SLC7A5: variants seen among roughly 807,000 people sequenced by gnomAD.
The protein encoded by SLC7A5 is solute carrier family 7 member 5.
A neutral mutation model predicts 50.2 loss-of-function variants in SLC7A5; 23 were observed. The ratio of observed to expected loss-of-function variants is 0.46; its 90% confidence interval spans 0.33 to 0.65. The LOEUF (loss-of-function observed/expected upper bound fraction) is 0.65, where lower values mean the gene tolerates loss of function less well. Among genes scored for constraint, SLC7A5 ranks in the 30% least tolerant of loss-of-function variants. SLC7A5 has a pLI of 0.02. For synonymous variants in SLC7A5, 393 were observed against 330.6 expected (o/e 1.19, Z -2.05); for missense variants, 578 against 684.4 (o/e 0.84, Z 1.73).
intron 5 of SLC7A5, 69 bp from the exon 6 acceptor site, chr16:87,838,886 G>A (rs1357048536): frequency 1.7e-6 from 2 of 1,154,176 alleles, no homozygotes. Context: ...CTCACTGGGA[G>A]CCCTCTGCAC....
rs1846892979 is a variant in SLC7A5, at chr16:87,839,838, G to A, written c.816-13C>T. The A allele has an allele frequency of 2.5e-6, 4 of 1,613,496 alleles. No homozygotes were observed. Among genetic ancestry groups the A allele is most frequent in the Non-Finnish European group, 3.4e-6 (4 of 1,179,906 alleles). ...CAGGGGCAGGTTTCTGGAAAGAACA[G>A]GGACGACATGTCACCCAACGCAGCC... On this transcript the variant is annotated splice_polypyrimidine_tract_variant and intron_variant, in intron 4 of 9. Transcript: ENST00000261622.
Position 87,831,468 on chromosome 16 carries a change from C to A in SLC7A5, c.*1502G>T, listed in dbSNP as rs528874509. The A allele has an allele frequency of 6.6e-6, 1 of 152,348 alleles. No individual in the cohort carries two copies. The highest frequency in any genetic ancestry group is 2.1e-4 in the South Asian group (1 of 4,824). 9.4% of individuals were successfully genotyped at this position (152,348 alleles called of 1,614,324 possible). ...TGCTGAGAGCTTGCGGCTTGAGCAG[C>A]CGCTGGTCAGTGAAGCCGTGTCCGG... On this transcript the variant is annotated 3_prime_UTR_variant, in exon 10 of 10. Transcript: ENST00000261622.
chr16:87,844,359 G>A (rs774762174), intron 2 of SLC7A5, among the ~76,000 whole-genome samples: 4 of 152,262 alleles, frequency 2.6e-5, no homozygotes, highest in East Asian at 1.9e-4. Flanking sequence ...GGGAACGAGC[G>A]CTCCAAAGGC....
intron 1 of SLC7A5, among the ~76,000 whole-genome samples, chr16:87,855,676 C>T (rs896426394): frequency 3.9e-5 from 6 of 152,094 alleles, no homozygotes; most frequent in Admixed American, 3.3e-4. Context: ...CTGATAAAAT[C>T]CCGCTACAAG....
chr16:87,845,286 C>T (rs2055137365), intron 2 of SLC7A5, among the ~76,000 whole-genome samples: 1 of 152,236 alleles, frequency 6.6e-6, no homozygotes, highest in Non-Finnish European at 1.5e-5. Context: ...GCCAATGGCA[C>T]CTCATCTAAG....
chr16:87,859,906 G>A (rs544660171), intron 1 of SLC7A5, among the ~76,000 whole-genome samples: 2 of 148,722 alleles, frequency 1.3e-5, no homozygotes, highest in Admixed American at 1.3e-4. Context: ...ACTCCAGCCT[G>A]GGTGACAAAA....
At chr16:87,836,405 G>T in intron 8 of SLC7A5, 93 bp downstream of exon 8, 1 of 1,450,190 alleles carries the variant, frequency 6.9e-7, no homozygotes. Flanking sequence ...CAGAGGCTGA[G>T]CTGGGATGCT....
At chr16:87,865,519 G>A (rs1387816641) in intron 1 of SLC7A5, among the ~76,000 whole-genome samples, 4 of 151,982 alleles carry the variant, frequency 2.6e-5, no homozygotes, top group Admixed American at 6.6e-5. Context: ...GACAAGCCTG[G>A]CCAACATGGT....
Position 87,836,572 on chromosome 16 carries a change from G to A in SLC7A5, c.1216C>T (p.Leu406Phe), listed in dbSNP as rs757100977. The A allele has an allele frequency of 1.9e-6, 3 of 1,613,782 alleles. No individual in the cohort carries two copies. The South Asian group carries it at 3.3e-5, about 18-fold the overall frequency. Residue 406 changes from leucine to phenylalanine, a missense_variant, in exon 8 of 10, where the codon CTC (leucine) becomes TTC (phenylalanine). This residue lies in a region of SLC7A5 where 465 missense variants were observed against 594.6 expected (regional missense o/e 0.78). Transcript: ENST00000261622. Reference protein sequence around the residue: ...VINFFSFFNWLCVALAIIGMI... With the variant: ...VINFFSFFNWFCVALAIIGMI... ...CCGATGATGGCCAGGGCCACGCAGA[G>A]CCAGTTGAAGAAGCTGAAGAAGTTG... is the stretch of plus-strand genomic sequence containing the variant.
intron 2 of SLC7A5, among the ~76,000 whole-genome samples, chr16:87,848,788 G>A (rs891169394): frequency 1.3e-5 from 2 of 152,236 alleles, no homozygotes; most frequent in Non-Finnish European, 2.9e-5. Flanking sequence ...GTCCCCCCAT[G>A]AGCTCTGGAT....
At chr16:87,867,438 C>T (rs1463504417) in intron 1 of SLC7A5, among the ~76,000 whole-genome samples, 1 of 152,210 alleles carries the variant, frequency 6.6e-6, no homozygotes, top group African/African-American at 2.4e-5. Context: ...ACGATTTTTC[C>T]CGGCTTTGAC....
Position 87,869,109 on chromosome 16 carries a change from T to A in SLC7A5, c.314A>T (p.Glu105Val). 1.2e-6 allele frequency: 2 copies of A among 1,611,826 alleles called. No homozygotes were observed. The highest frequency in any genetic ancestry group is 1.7e-6 in the Non-Finnish European group (2 of 1,179,774). The change falls in exon 1 of 10, where the codon GAG becomes GTG. Residue 105 changes from glutamate (E) to valine (V), a missense_variant. Glu to Val is a moderately radical substitution (Grantham distance 121, BLOSUM62 -2). Around this residue, in one of 2 missense-constraint regions of SLC7A5, gnomAD observed 465 missense variants for 594.6 expected, o/e 0.78. Transcript: ENST00000261622. Reference sequence around the variant, plus strand: ...CGATTTGGAGATGGTGGTGCCGAGCTCCGCGTAGCAGAGCGCGCCCACGAT... The same window carrying A: ...CGATTTGGAGATGGTGGTGCCGAGCACCGCGTAGCAGAGCGCGCCCACGAT... ...FSIVGALCYA[E>V]LGTTISKSGG...
rs553047967 is a variant in SLC7A5 at position 87,831,643 on chromosome 16, C to T, written c.*1327G>A. 2.1e-4 allele frequency: 30 copies of T among 142,446 alleles called. No homozygotes were observed. Among genetic ancestry groups the T allele is most frequent in the Admixed American group, 6.5e-4 (9 of 13,836 alleles). 8.8% of individuals were successfully genotyped at this position (142,446 alleles called of 1,614,324 possible). On this transcript the variant is annotated 3_prime_UTR_variant, in exon 10 of 10. Coordinates refer to ENST00000261622, the MANE Select transcript of SLC7A5 (RefSeq NM_003486.7). ...CGGGGCCTGAGAAGGCAGAGCCCCC[C>T]GAGCTCAGGAGGGATCCTGCGGGGT...
rs370835904 is a variant in SLC7A5 at position 87,860,341 on chromosome 16, T to TACAC, written c.539-8496_539-8493dup. Among the ~76,000 whole-genome samples the TACAC allele has an allele frequency of 3.5e-3, 304 of 86,138 alleles. 8 individuals are homozygous for TACAC. The highest frequency in any genetic ancestry group is 5.1e-3 in the African/African-American group (102 of 19,912). 56.5% of individuals were successfully genotyped at this position (86,138 alleles called of 152,430 possible). On this transcript the variant is annotated intron_variant, in intron 1 of 9. Coordinates refer to ENST00000261622, the MANE Select transcript of SLC7A5 (RefSeq NM_003486.7). The surrounding 1 kb of genome is among the most constrained non-coding windows in gnomAD (Gnocchi z 4.8). ...AAAGCATCTCAAAAAAAAAAAAAAA[T>TACAC]ACACACACACACACACACACACACA...
At chr16:87,866,580 C>T (rs1457115341) in intron 1 of SLC7A5, among the ~76,000 whole-genome samples, 1 of 152,130 alleles carries the variant, frequency 6.6e-6, no homozygotes, top group Non-Finnish European at 1.5e-5. Context: ...ATTCTCCTGC[C>T]TCAGCCTCCC....
intron 1 of SLC7A5, chr16:87,863,454 A>G (rs534686832): frequency 6.6e-6 from 1 of 152,314 alleles, no homozygotes; most frequent in Non-Finnish European, 1.5e-5. Context: ...GCCTTCTGAT[A>G]AAACCCAGCA....
rs1488883266 is a variant in SLC7A5, at chr16:87,851,706, C to T, written c.664+18G>A. The T allele has an allele frequency of 6.2e-7, 1 of 1,607,512 alleles. No individual in the cohort carries two copies. Among genetic ancestry groups the T allele is most frequent in the Non-Finnish European group, 8.5e-7 (1 of 1,175,690 alleles). On this transcript the variant is annotated intron_variant, in intron 2 of 9. Coordinates refer to ENST00000261622, the MANE Select transcript of SLC7A5 (RefSeq NM_003486.7). The stretch of plus-strand genomic sequence containing the variant: ...AAGCCTCGAGGGGCCGCCGGTGGGG[C>T]CTGGGGGACGTACTCACCCTTCCCG...
At chr16:87,864,412 G>A (rs1402964921) in intron 1 of SLC7A5, among the ~76,000 whole-genome samples, 3 of 152,194 alleles carry the variant, frequency 2.0e-5, no homozygotes, top group East Asian at 3.9e-4. Flanking sequence ...ACCCTGGAGC[G>A]CCCATCCTGC....
Position 87,852,932 on chromosome 16 carries a change from A to G in SLC7A5, c.539-1083T>C, listed in dbSNP as rs1031065947. The stretch of plus-strand genomic sequence containing the variant: ...ACTACCCTTCACTCCTCTGCTCACG[A>G]GGTTATCTGTCGCTGTCAGCAGCTT... On this transcript the variant is annotated intron_variant, in intron 1 of 9. Coordinates refer to ENST00000261622, the MANE Select transcript of SLC7A5 (RefSeq NM_003486.7). This position sits in a 1 kb window ranked among gnomAD's most constrained non-coding sequence, Gnocchi z 4.5. Among the ~76,000 whole-genome samples, 2 of 152,084 alleles carry G rather than the reference A, an allele frequency of 1.3e-5. No homozygotes were observed. Among genetic ancestry groups the G allele is most frequent in the African/African-American group, 4.8e-5 (2 of 41,398 alleles).
Sources: allele counts gnomAD v4.1 joint callset (sites outside exome capture counted in the v4.1 genomes callset), GRCh38; gene constraint gnomAD v4.1.1; regional missense constraint gnomAD v4.1.1; non-coding constraint Gnocchi (gnomAD v3.1); transcripts MANE v1.5; gene names NCBI Gene and HGNC (gene_info 2026-07-23, HGNC 2026-07-21).